Variants in DNAAF9 observed in about 807,000 individuals in gnomAD.
DNAAF9 encodes dynein axonemal assembly factor 9.
DNAAF9 carries 90 observed loss-of-function variants against 167.0 expected under a neutral mutation model. The observed-to-expected ratio is 0.54, with a 90% CI of 0.45 to 0.64. The LOEUF (loss-of-function observed/expected upper bound fraction) is 0.64, where lower values mean the gene tolerates loss of function less well. Ranked by LOEUF, DNAAF9 falls within the 30% of genes least tolerant of loss-of-function variation. DNAAF9 has a pLI of 0.00. For missense variants in DNAAF9, 1,315 were observed against 1,442.2 expected (o/e 0.91, Z 1.43); for synonymous variants, 491 against 508.8 (o/e 0.96, Z 0.47).
chr20:3,296,005 AT>A, intron 23 of DNAAF9: 5 of 1,414,384 alleles, frequency 3.5e-6, no homozygotes, highest in Non-Finnish European at 5.0e-6. Flanking sequence ...TGTTGTACAC[AT>A]CGGGAACTTC....
intron 1 of DNAAF9, among the ~76,000 whole-genome samples, chr20:3,404,224 TGG>T (rs1334567180): frequency 1.3e-5 from 2 of 151,160 alleles, no homozygotes; most frequent in African/African-American, 4.9e-5. Flanking sequence ...TTAGTAGAGG[TGG>T]GGTTTCACCA....
At chr20:3,338,426 A>T (rs1470077621) in intron 10 of DNAAF9, among the ~76,000 whole-genome samples, 2 of 151,968 alleles carry the variant, frequency 1.3e-5, no homozygotes, top group Non-Finnish European at 2.9e-5. Context: ...GATCTTCTGA[A>T]GTTTGAATAG....
intron 18 of DNAAF9, among the ~76,000 whole-genome samples, chr20:3,316,464 A>T (rs1267085055): frequency 6.6e-6 from 1 of 151,578 alleles, no homozygotes; most frequent in African/African-American, 2.4e-5. Context: ...GAGGCTCTTA[A>T]TTTCTTCCTT....
At chr20:3,383,816 T>TG (rs2083695899) in intron 1 of DNAAF9, among the ~76,000 whole-genome samples, 1 of 151,292 alleles carries the variant, frequency 6.6e-6, no homozygotes, top group East Asian at 1.9e-4. Flanking sequence ...TTTTTTTTTT[T>TG]GAAATGGACT....
At chr20:3,332,909 GT>G (rs2069865857) in intron 10 of DNAAF9, among the ~76,000 whole-genome samples, 1 of 142,970 alleles carries the variant, frequency 7.0e-6, no homozygotes, top group South Asian at 2.2e-4. Context: ...TGGTGTGTGT[GT>G]GTGTGTGTGT....
intron 14 of DNAAF9, among the ~76,000 whole-genome samples, chr20:3,323,789 T>C (rs1442842916): frequency 1.3e-5 from 2 of 152,130 alleles, no homozygotes; most frequent in Admixed American, 6.5e-5. Flanking sequence ...AAAGGAGAAG[T>C]AGAATGACTA....
chr20:3,260,613 T>A (rs1411410969), intron 31 of DNAAF9, among the ~76,000 whole-genome samples: 6 of 151,904 alleles, frequency 3.9e-5, no homozygotes. Context: ...GGGCTCTTGC[T>A]CAGGATGCCC....
At chr20:3,259,242 G>T (rs2068335777) in intron 33 of DNAAF9, among the ~76,000 whole-genome samples, 1 of 152,228 alleles carries the variant, frequency 6.6e-6, no homozygotes, top group Non-Finnish European at 1.5e-5. Context: ...CCCTGAGCAG[G>T]TCATCCAGGC....
At chr20:3,288,712 A>G (rs1377364014) in intron 26 of DNAAF9, among the ~76,000 whole-genome samples, 1 of 152,062 alleles carries the variant, frequency 6.6e-6, no homozygotes, top group Admixed American at 6.6e-5. Context: ...GATATTAAAC[A>G]CCTGGTTCAA....
At chr20:3,391,458 ACTGT>A (rs2083824441) in intron 1 of DNAAF9, among the ~76,000 whole-genome samples, 1 of 151,912 alleles carries the variant, frequency 6.6e-6, no homozygotes, top group Non-Finnish European at 1.5e-5. Context: ...TTGAATATTT[ACTGT>A]CTATTTTGAG....
intron 30 of DNAAF9, among the ~76,000 whole-genome samples, chr20:3,265,576 G>GAAA (rs1228259726): frequency 2.1e-4 from 7 of 33,838 alleles, no homozygotes; most frequent in African/African-American, 3.1e-4. Flanking sequence ...CTCTGTCTCA[G>GAAA]AAAAAAAAAA....
chr20:3,374,171 C>G lies in DNAAF9; in HGVS notation c.506-17G>C. 1 of 1,495,446 alleles carries G rather than the reference C, an allele frequency of 6.7e-7. No individual in the cohort carries two copies. The highest frequency in any genetic ancestry group is 9.3e-7 in the Non-Finnish European group (1 of 1,071,760). The allele number at this position is 1,495,446 out of a possible 1,614,324, so 92.6% of individuals were successfully genotyped here. A position where few individuals can be genotyped will look rare whatever the true frequency, so the allele number is the denominator to read the frequency against. ...GCAAGTGACCTAGAAGAATCAAATA[C>G]AACAACACATATCAGATACCATCCT... On this transcript the variant is annotated splice_polypyrimidine_tract_variant and intron_variant, in intron 5 of 36. Transcript: ENST00000252032.
intron 1 of DNAAF9, among the ~76,000 whole-genome samples, chr20:3,394,942 CTTTTTTCTTTTTTTTTTT>C (rs2083880697): frequency 5.6e-5 from 5 of 89,020 alleles, no homozygotes; most frequent in Non-Finnish European, 9.3e-5. Context: ...TGAACATTTT[CTTTTTTCTTTTTTTTTTT>C]TTTTTTTTTT....
At chr20:3,362,081 C>T in intron 6 of DNAAF9, 1 of 1,408,306 alleles carries the variant, frequency 7.1e-7, no homozygotes, top group Non-Finnish European at 9.9e-7. Flanking sequence ...ACAAATATTA[C>T]AAAGGGGGGT....
chr20:3,307,967 TAAAAAAAAA>T (rs367851853), intron 20 of DNAAF9, among the ~76,000 whole-genome samples: 4 of 123,452 alleles, frequency 3.2e-5, no homozygotes, highest in African/African-American at 1.3e-4. Flanking sequence ...ACACAAGGTT[TAAAAAAAAA>T]AAAAAAAAAA....
intron 6 of DNAAF9, among the ~76,000 whole-genome samples, chr20:3,372,350 C>G (rs764182788): frequency 2.0e-5 from 3 of 152,096 alleles, no homozygotes; most frequent in Non-Finnish European, 4.4e-5. Context: ...AGGAAAGTAT[C>G]TGAAAATAAA....
chr20:3,268,764 A>G (rs1046075169), intron 30 of DNAAF9, among the ~76,000 whole-genome samples: 1 of 152,200 alleles, frequency 6.6e-6, no homozygotes, highest in Non-Finnish European at 1.5e-5. Context: ...TGAATTGAGC[A>G]AACAAAACAG....
intron 1 of DNAAF9, among the ~76,000 whole-genome samples, chr20:3,394,784 C>T (rs970392398): frequency 4.0e-5 from 6 of 151,862 alleles, no homozygotes; most frequent in African/African-American, 1.5e-4. Flanking sequence ...AGGCATTTAC[C>T]TATTCTCACA....
intron 18 of DNAAF9, chr20:3,316,065 C>T (rs1016571661): frequency 3.0e-5 from 14 of 474,092 alleles, no homozygotes; most frequent in African/African-American, 2.5e-4. Flanking sequence ...TATTTCACTT[C>T]AGAAAAAAAC....
Sources: gnomAD v4.1 joint callset for allele counts (sites outside exome capture counted in the v4.1 genomes callset) on GRCh38, gnomAD v4.1.1 for gene constraint, MANE v1.5 for transcripts, NCBI Gene and HGNC (gene_info 2026-07-23, HGNC 2026-07-21) for gene names.